Variants in ANKRD6 observed in about 807,000 individuals in gnomAD.
ANKRD6 encodes the protein ankyrin repeat domain 6.
ANKRD6 carries 56 observed loss-of-function variants against 82.3 expected under a neutral mutation model. That is an observed-to-expected ratio of 0.68 (90% CI 0.55 to 0.85). ANKRD6 has a LOEUF of 0.85. ANKRD6 is among the 40% of genes least tolerant of loss of function. ANKRD6 has a pLI of 0.00. For synonymous variants in ANKRD6, 347 were observed against 352.1 expected (o/e 0.99, Z 0.16); for missense variants, 852 against 907.6 (o/e 0.94, Z 0.79).
At chr6:89,512,951 G>A (rs1780736575) in intron 1 of ANKRD6, among the ~76,000 whole-genome samples, 1 of 151,114 alleles carries the variant, frequency 6.6e-6, no homozygotes, top group South Asian at 2.1e-4. Flanking sequence ...AAGAGATAAT[G>A]TCTTGCTCTG....
At chr6:89,553,663 A>G (rs1268538026) in intron 1 of ANKRD6, among the ~76,000 whole-genome samples, 4 of 152,018 alleles carry the variant, frequency 2.6e-5, no homozygotes, top group Non-Finnish European at 5.9e-5. Flanking sequence ...TTCCTGTGGG[A>G]GATTACTGAG....
intron 2 of ANKRD6, among the ~76,000 whole-genome samples, chr6:89,571,799 A>T (rs534186124): frequency 6.6e-6 from 1 of 152,328 alleles, no homozygotes; most frequent in East Asian, 1.9e-4. Flanking sequence ...CATAGTTTAC[A>T]TTACGGCTTA....
At chr6:89,468,212 T>C (rs1775060977) in intron 1 of ANKRD6, among the ~76,000 whole-genome samples, 1 of 152,182 alleles carries the variant, frequency 6.6e-6, no homozygotes. Context: ...TTTTACCTAA[T>C]AAATGATAAT....
Position 89,614,195 on chromosome 6 carries a change from C to T in ANKRD6, c.615+305C>T, listed in dbSNP as rs189848300. On this transcript the variant is annotated intron_variant, in intron 7 of 15. Coordinates refer to ENST00000339746, the MANE Select transcript of ANKRD6 (RefSeq NM_001242809.2). ...AATGTGATTTTAAAAAGAAAACCCACGAGGAAGAATGTGATTTAGTAAAGA... is the reference window on the plus strand; with the variant it reads ...AATGTGATTTTAAAAAGAAAACCCATGAGGAAGAATGTGATTTAGTAAAGA... 2.3e-3 allele frequency among the ~76,000 whole-genome samples: 350 copies of T among 152,156 alleles called. 6 individuals carry two copies. The highest frequency in any genetic ancestry group is 0.018 in the Admixed American group (274 of 15,270).
chr6:89,458,197 G>A (rs760585405), intron 1 of ANKRD6, among the ~76,000 whole-genome samples: 16 of 152,152 alleles, frequency 1.1e-4, no homozygotes, highest in African/African-American at 3.1e-4. Context: ...ACTAAGACAC[G>A]AATCATTTTT....
intron 15 of ANKRD6, among the ~76,000 whole-genome samples, chr6:89,629,870 G>A (rs1806967350): frequency 6.6e-6 from 1 of 152,142 alleles, no homozygotes; most frequent in African/African-American, 2.4e-5. Context: ...TCATCTTTGT[G>A]TCAACAACAT....
At chr6:89,541,263 G>A (rs189614174) in intron 1 of ANKRD6, among the ~76,000 whole-genome samples, 408 of 151,670 alleles carry the variant, frequency 2.7e-3, no homozygotes, top group Non-Finnish European at 4.6e-3. Flanking sequence ...CTGTGAACAC[G>A]GAATATTTTT....
At chr6:89,570,392 T>C (rs1435761099) in intron 2 of ANKRD6, among the ~76,000 whole-genome samples, 2 of 152,220 alleles carry the variant, frequency 1.3e-5, no homozygotes, top group African/African-American at 2.4e-5. Flanking sequence ...TTATTTATTG[T>C]GGTAAAATAT....
chr6:89,495,005 T>C (rs961877203), intron 1 of ANKRD6, among the ~76,000 whole-genome samples: 4 of 152,012 alleles, frequency 2.6e-5, no homozygotes, highest in East Asian at 1.9e-4. Flanking sequence ...GAGGCCGAGG[T>C]GGGCGGATCA....
At chr6:89,573,198 A>T (rs1010692792) in intron 2 of ANKRD6, among the ~76,000 whole-genome samples, 5 of 152,184 alleles carry the variant, frequency 3.3e-5, no homozygotes, top group Non-Finnish European at 7.3e-5. Context: ...TTAAAATCAG[A>T]CTTATAATTA....
At chr6:89,628,898 C>T in intron 14 of ANKRD6, 1 of 548,634 alleles carries the variant, frequency 1.8e-6, no homozygotes, top group Non-Finnish European at 3.2e-6. Context: ...GGCCCCACCT[C>T]CAACACTGGG....
chr6:89,473,954 C>A (rs1199539547), intron 1 of ANKRD6, among the ~76,000 whole-genome samples: 3 of 152,172 alleles, frequency 2.0e-5, no homozygotes, highest in Non-Finnish European at 4.4e-5. Flanking sequence ...GCACTCAAGC[C>A]TGGACAACAG....
intron 2 of ANKRD6, among the ~76,000 whole-genome samples, chr6:89,578,160 A>T (rs1320688680): frequency 6.6e-6 from 1 of 152,180 alleles, no homozygotes; most frequent in African/African-American, 2.4e-5. Context: ...TAAATAGGCA[A>T]GTCTACTTCT....
At chr6:89,553,601 G>A (rs757785811) in intron 1 of ANKRD6, among the ~76,000 whole-genome samples, 4 of 152,134 alleles carry the variant, frequency 2.6e-5, no homozygotes, top group Non-Finnish European at 4.4e-5. Context: ...CAAGCTTATG[G>A]TGCAGAATTG....
intron 9 of ANKRD6, 96 bp downstream of exon 9, chr6:89,618,127 C>T (rs1802071868): frequency 1.5e-6 from 2 of 1,340,694 alleles, no homozygotes; most frequent in Non-Finnish European, 2.1e-6. Flanking sequence ...TTCAAACTAA[C>T]TTAAATATGG....
intron 2 of ANKRD6, among the ~76,000 whole-genome samples, chr6:89,585,323 C>G (rs1793461425): frequency 6.6e-6 from 1 of 152,170 alleles, no homozygotes; most frequent in African/African-American, 2.4e-5. Context: ...TCTGCTCGTT[C>G]ACTATAGTGC....
intron 3 of ANKRD6, chr6:89,598,033 G>A: frequency 2.3e-6 from 2 of 883,450 alleles, no homozygotes; most frequent in Non-Finnish European, 2.7e-6. Flanking sequence ...CTTGGATGGT[G>A]GGTAGAAACA....
chr6:89,544,145 A>C (rs1006843222), intron 1 of ANKRD6, among the ~76,000 whole-genome samples: 4 of 148,062 alleles, frequency 2.7e-5, no homozygotes, highest in East Asian at 2.0e-4. Context: ...ATCTTTCATA[A>C]GAGATCCACA....
chr6:89,555,032 TCCCCGCTTTCTCTCCATCCTCTCCTCCC>T (rs1786378700), intron 1 of ANKRD6, among the ~76,000 whole-genome samples: 1 of 46,366 alleles, frequency 2.2e-5, no homozygotes. Flanking sequence ...CTCTCCTCCC[TCCCCGCTTTCTCTCCATCCTCTCCTCCC>T]CCCCTTCTCT....
Sources: allele counts gnomAD v4.1 joint callset (sites outside exome capture counted in the v4.1 genomes callset), GRCh38; gene constraint gnomAD v4.1.1; transcripts MANE v1.5; gene names NCBI Gene and HGNC (gene_info 2026-07-23, HGNC 2026-07-21).